The following ZBTB20 variants were observed in gnomAD, a reference collection of about 807,000 sequenced individuals.
ZBTB20 encodes zinc finger and BTB domain containing 20, also known as zinc finger and BTB domain-containing protein 20.
A neutral mutation model predicts 56.9 loss-of-function variants in ZBTB20; 9 were observed. The ratio of observed to expected loss-of-function variants is 0.16; its 90% CI spans 0.10 to 0.28. The LOEUF (loss-of-function observed/expected upper bound fraction) is 0.28. Ranked by LOEUF, ZBTB20 falls within the 10% of genes least tolerant of loss-of-function variation. The pLI is 1.00. For missense variants in ZBTB20, 655 were observed against 1,003.0 expected (o/e 0.65, Z 4.69); for synonymous variants, 417 against 420.7 (o/e 0.99, Z 0.11).
chr3:114,721,225 A>G (rs574540134), intron 5 of ZBTB20, among the ~76,000 whole-genome samples: 112 of 152,302 alleles, frequency 7.4e-4, no homozygotes, highest in African/African-American at 2.7e-3. Context: ...CTTGTAAAGT[A>G]GGACACTGGC....
rs569336285 is a variant in ZBTB20 at position 114,845,094 on chromosome 3, C to G, written c.-416-43920G>C. ...ATGAAATCTAATTTATCAACTTATTCTTTTATGGGTCATTCATAAATGAAT... is the reference window on the plus strand; with the variant it reads ...ATGAAATCTAATTTATCAACTTATTGTTTTATGGGTCATTCATAAATGAAT... On this transcript the variant is annotated intron_variant, in intron 4 of 11. Transcript: ENST00000675478. 1.3e-4 allele frequency among the ~76,000 whole-genome samples: 19 copies of G among 151,706 alleles called. No individual in the cohort carries two copies. The South Asian group carries it at 3.7e-3, about 30-fold the overall frequency.
rs1272056633 is a variant in ZBTB20, at chr3:114,351,331, C to T, written c.747G>A (p.Ala249=). The part of the protein sequence containing the change: ...SVDRIYSALY[A]CSMQNGSGER... ...CGCCGCTGCCATTCTGCATGGAGCA[C>T]GCGTAGAGTGCCGAGTAGATCCTGT... Residue 249 remains alanine, a synonymous_variant, in exon 11 of 12, where the codon GCG becomes GCA. Transcript: ENST00000675478. 3.1e-6 allele frequency: 5 copies of T among 1,608,410 alleles called. No homozygotes were observed. The African/African-American group carries it at 5.3e-5, about 17-fold the overall frequency.
intron 3 of ZBTB20, among the ~76,000 whole-genome samples, chr3:114,967,918 T>C (rs949798312): frequency 4.0e-5 from 6 of 150,716 alleles, no homozygotes; most frequent in East Asian, 2.0e-4. Flanking sequence ...GATCACCCCA[T>C]TGCACTCCAA....
intron 5 of ZBTB20, among the ~76,000 whole-genome samples, chr3:114,767,034 A>G (rs959092098): frequency 6.6e-6 from 1 of 152,066 alleles, no homozygotes; most frequent in Non-Finnish European, 1.5e-5. Flanking sequence ...TCAATTCTCT[A>G]TAGAAGTTGG....
chr3:114,848,331 G>A (rs995589834), intron 4 of ZBTB20, among the ~76,000 whole-genome samples: 3 of 152,124 alleles, frequency 2.0e-5, no homozygotes, highest in African/African-American at 7.2e-5. Context: ...AACAAACAGG[G>A]CCTGTTTATT....
intron 8 of ZBTB20, among the ~76,000 whole-genome samples, chr3:114,387,078 A>G (rs2085228311): frequency 6.6e-6 from 1 of 152,044 alleles, no homozygotes; most frequent in Non-Finnish European, 1.5e-5. Context: ...CAGACTTTAT[A>G]TATATATCAT....
chr3:114,883,956 C>T (rs2076501463), intron 4 of ZBTB20, among the ~76,000 whole-genome samples: 1 of 62,622 alleles, frequency 1.6e-5, no homozygotes, highest in Non-Finnish European at 2.7e-5. Flanking sequence ...GACGGAGTCT[C>T]GCTCTGTCGC....
At chr3:114,644,248 A>G (rs1426225110) in intron 6 of ZBTB20, among the ~76,000 whole-genome samples, 1 of 152,076 alleles carries the variant, frequency 6.6e-6, no homozygotes, top group Non-Finnish European at 1.5e-5. Context: ...AAGCTAATAT[A>G]TTATTGTAAA....
chr3:114,819,047 G>C (rs2073100558), intron 4 of ZBTB20, among the ~76,000 whole-genome samples: 1 of 151,914 alleles, frequency 6.6e-6, no homozygotes, highest in Non-Finnish European at 1.5e-5. Context: ...TATCAGAATG[G>C]AACCCCACAT....
intron 7 of ZBTB20, among the ~76,000 whole-genome samples, chr3:114,459,162 C>T (rs996983088): frequency 8.5e-5 from 13 of 152,162 alleles, no homozygotes; most frequent in African/African-American, 3.1e-4. Flanking sequence ...CATAATTCAA[C>T]GTATCTCATA....
At chr3:114,918,853 C>A (rs2075845082) in intron 3 of ZBTB20, among the ~76,000 whole-genome samples, 1 of 152,316 alleles carries the variant, frequency 6.6e-6, no homozygotes, top group Admixed American at 6.5e-5. Flanking sequence ...CAGAAGCCCT[C>A]CCTTGGCCAC....
intron 3 of ZBTB20, among the ~76,000 whole-genome samples, chr3:114,961,995 T>C (rs1358954203): frequency 3.3e-5 from 5 of 152,090 alleles, no homozygotes; most frequent in Non-Finnish European, 7.4e-5. Context: ...AAATGAAGGA[T>C]AGATTTTTGT....
At chr3:114,891,297 G>A (rs2076797761) in intron 4 of ZBTB20, among the ~76,000 whole-genome samples, 1 of 152,144 alleles carries the variant, frequency 6.6e-6, no homozygotes, top group Admixed American at 6.5e-5. Context: ...TAAAAAAAAT[G>A]TTTGTAGCAT....
chr3:114,530,139 C>A (rs1214708431), intron 6 of ZBTB20, among the ~76,000 whole-genome samples: 1 of 152,228 alleles, frequency 6.6e-6, no homozygotes, highest in Non-Finnish European at 1.5e-5. Flanking sequence ...CTTATAAAGT[C>A]TACAGGAGTA....
chr3:115,138,220 C>T (rs1352311834), intron 1 of ZBTB20, among the ~76,000 whole-genome samples: 1 of 152,020 alleles, frequency 6.6e-6, no homozygotes, highest in East Asian at 1.9e-4. Context: ...TTCAGTAATA[C>T]TTCCTTTGTC....
chr3:114,417,557 C>T (rs761809851), intron 7 of ZBTB20, among the ~76,000 whole-genome samples: 5 of 152,018 alleles, frequency 3.3e-5, no homozygotes, highest in African/African-American at 4.8e-5. Flanking sequence ...GCTCAAAGGA[C>T]GTTAATATAA....
intron 5 of ZBTB20, among the ~76,000 whole-genome samples, chr3:114,695,407 T>G (rs755993532): frequency 2.0e-5 from 3 of 151,954 alleles, no homozygotes; most frequent in Non-Finnish European, 4.4e-5. Context: ...AAGTCTACAT[T>G]GGCACACATC....
At chr3:114,386,627 A>C (rs2085158975) in intron 8 of ZBTB20, among the ~76,000 whole-genome samples, 1 of 152,126 alleles carries the variant, frequency 6.6e-6, no homozygotes, top group Admixed American at 6.5e-5. Flanking sequence ...CTCTTCCCCC[A>C]CTTTCACATC....
chr3:114,657,619 G>A (rs939869033), intron 6 of ZBTB20, among the ~76,000 whole-genome samples: 4 of 152,016 alleles, frequency 2.6e-5, no homozygotes, highest in Non-Finnish European at 5.9e-5. Flanking sequence ...AGCTCCATTC[G>A]CTAACATCAC....
Sources: allele counts gnomAD v4.1 joint callset (sites outside exome capture counted in the v4.1 genomes callset), GRCh38; gene constraint gnomAD v4.1.1; transcripts MANE v1.5; gene names NCBI Gene and HGNC (gene_info 2026-07-23, HGNC 2026-07-21).